Variants in SSH2 observed in about 807,000 individuals in gnomAD.
SSH2 encodes protein phosphatase Slingshot homolog 2.
Under a neutral mutation model 135.2 loss-of-function variants are expected in SSH2, and 37 were observed. The ratio of observed to expected loss-of-function variants is 0.27; its 90% CI spans 0.21 to 0.36. SSH2 has a LOEUF of 0.36. SSH2 is among the 10% of genes least tolerant of loss of function. The probability of loss-of-function intolerance (pLI) is 1.00; values close to 1 mark genes in which losing one functional copy is unlikely to be tolerated. For missense variants in SSH2, 1,408 were observed against 1,765.3 expected (o/e 0.80, Z 3.63); for synonymous variants, 628 against 646.2 (o/e 0.97, Z 0.43).
At chr17:29,883,362 T>TA (rs1386394171) in intron 1 of SSH2, among the ~76,000 whole-genome samples, 18 of 152,134 alleles carry the variant, frequency 1.2e-4, no homozygotes, top group African/African-American at 4.1e-4. Context: ...TTAACAGCTG[T>TA]AAAAAGAAGA....
intron 3 of SSH2, among the ~76,000 whole-genome samples, chr17:29,759,060 A>G (rs2041212368): frequency 6.9e-6 from 1 of 144,192 alleles, no homozygotes; most frequent in South Asian, 2.2e-4. Flanking sequence ...ATTCTTTTTT[A>G]TTTTTTTGAG....
intron 12 of SSH2, 92 bp from the exon 13 acceptor site, chr17:29,650,892 C>A: frequency 2.0e-6 from 2 of 1,016,322 alleles, no homozygotes; most frequent in South Asian, 4.8e-5. Context: ...CTTGTTTATT[C>A]CATAGACTGA....
At chr17:29,814,758 CAT>C (rs1394254169) in intron 2 of SSH2, among the ~76,000 whole-genome samples, 2 of 151,930 alleles carry the variant, frequency 1.3e-5, no homozygotes, top group African/African-American at 4.8e-5. Flanking sequence ...AAAATAAAAA[CAT>C]GAGCAGAAAA....
intron 2 of SSH2, among the ~76,000 whole-genome samples, chr17:29,815,822 T>C (rs950238563): frequency 6.6e-6 from 1 of 152,082 alleles, no homozygotes; most frequent in African/African-American, 2.4e-5. Context: ...GTCCTTTTTC[T>C]CTAGAGCCCT....
intron 3 of SSH2, among the ~76,000 whole-genome samples, chr17:29,726,483 T>A (rs188562835): frequency 4.6e-5 from 7 of 152,280 alleles, no homozygotes; most frequent in Admixed American, 1.3e-4. Context: ...GAGAATGGAT[T>A]GGAAGAGGGG....
At chr17:29,701,203 C>T (rs951524356) in intron 4 of SSH2, among the ~76,000 whole-genome samples, 1 of 152,068 alleles carries the variant, frequency 6.6e-6, no homozygotes, top group African/African-American at 2.4e-5. Context: ...GATCTCCTGA[C>T]CTTGTGATCC....
chr17:29,733,500 C>A (rs536700580), intron 3 of SSH2, among the ~76,000 whole-genome samples: 17 of 152,284 alleles, frequency 1.1e-4, no homozygotes, highest in African/African-American at 4.1e-4. Context: ...TTCGATGTTT[C>A]CCCAAAGGTT....
chr17:29,744,707 C>G (rs1205256704), intron 3 of SSH2, among the ~76,000 whole-genome samples: 1 of 152,160 alleles, frequency 6.6e-6, no homozygotes, highest in African/African-American at 2.4e-5. Context: ...TATCAGCACA[C>G]CCTTCCCCTT....
At chr17:29,872,502 C>T (rs550790461) in intron 1 of SSH2, among the ~76,000 whole-genome samples, 14 of 152,294 alleles carry the variant, frequency 9.2e-5, no homozygotes, top group African/African-American at 3.4e-4. Context: ...CGCCTATAAT[C>T]CCAGCACTTT....
At chr17:29,763,518 G>A (rs546378026) in intron 3 of SSH2, among the ~76,000 whole-genome samples, 10 of 148,788 alleles carry the variant, frequency 6.7e-5, no homozygotes, top group African/African-American at 2.0e-4. Flanking sequence ...AAAAGCAGGC[G>A]CGTTAGAACA....
intron 3 of SSH2, among the ~76,000 whole-genome samples, chr17:29,769,487 G>T (rs995247089): frequency 6.6e-6 from 1 of 152,092 alleles, no homozygotes; most frequent in Admixed American, 6.6e-5. Context: ...AGATCCTTTG[G>T]AACTCTGTAT....
intron 5 of SSH2, among the ~76,000 whole-genome samples, chr17:29,692,435 G>T (rs1598813763): frequency 6.6e-6 from 1 of 152,122 alleles, no homozygotes; most frequent in Admixed American, 6.6e-5. Flanking sequence ...CTTGTCATTT[G>T]AACTTTGAAT....
At position 29,626,725 on chromosome 17, in the gene SSH2, G is replaced by A. The variant is rs1293741014; in HGVS notation, c.*4116C>T. 1 of 152,664 alleles carries A rather than the reference G, an allele frequency of 6.6e-6. No homozygotes were observed. Among genetic ancestry groups the A allele is most frequent in the Non-Finnish European group, 1.5e-5 (1 of 68,062 alleles). 9.5% of individuals were successfully genotyped at this position (152,664 alleles called of 1,614,324 possible). A position where few individuals can be genotyped will look rare whatever the true frequency, so the allele number is the denominator to read the frequency against. On this transcript the variant is annotated 3_prime_UTR_variant, in exon 16 of 16. Coordinates refer to ENST00000540801, the MANE Select transcript of SSH2 (RefSeq NM_001282129.2). The stretch of plus-strand genomic sequence containing the variant: ...CTGGGAGAAGGGTTAGGAGTGTGCA[G>A]CTTCCTGCTTTGGTGGCAGGCCTTT...
intron 3 of SSH2, among the ~76,000 whole-genome samples, chr17:29,704,773 T>C (rs551887747): frequency 7.6e-6 from 1 of 132,034 alleles, no homozygotes; most frequent in African/African-American, 2.8e-5. Context: ...AGAAAATAAA[T>C]CTAAATTATT....
chr17:29,783,068 T>C (rs1465963461), intron 3 of SSH2, among the ~76,000 whole-genome samples: 1 of 151,864 alleles, frequency 6.6e-6, no homozygotes, highest in Non-Finnish European at 1.5e-5. Context: ...TAGGGGGCCA[T>C]TGAATTGGGA....
At chr17:29,738,533 CT>C (rs1292593855) in intron 3 of SSH2, among the ~76,000 whole-genome samples, 2 of 148,968 alleles carry the variant, frequency 1.3e-5, no homozygotes, top group Non-Finnish European at 1.5e-5. Flanking sequence ...GCTTAATTTT[CT>C]TTTTTTTTCT....
intron 9 of SSH2, 31 bp downstream of exon 9, chr17:29,671,904 A>G: frequency 6.3e-7 from 1 of 1,578,040 alleles, no homozygotes; most frequent in Non-Finnish European, 8.7e-7. Context: ...TAATGGAGAG[A>G]ACTTCCATAA....
At chr17:29,843,620 G>A (rs772996421) in intron 2 of SSH2, among the ~76,000 whole-genome samples, 5 of 151,554 alleles carry the variant, frequency 3.3e-5, no homozygotes, top group Non-Finnish European at 7.4e-5. Context: ...TCCTTTCTGA[G>A]CTAACCATTG....
intron 8 of SSH2, 197 bp downstream of exon 8, chr17:29,676,623 C>T (rs2037732777): frequency 2.0e-6 from 1 of 498,898 alleles, no homozygotes; most frequent in East Asian, 3.6e-5. Flanking sequence ...CTGAATTTCA[C>T]TTGTTCACCA....
Sources: gnomAD v4.1 joint callset for allele counts (sites outside exome capture counted in the v4.1 genomes callset) on GRCh38, gnomAD v4.1.1 for gene constraint, MANE v1.5 for transcripts, NCBI Gene and HGNC (gene_info 2026-07-23, HGNC 2026-07-21) for gene names.